PGM2: variants seen among roughly 807,000 people sequenced by gnomAD.
PGM2 encodes phosphopentomutase.
Under a neutral mutation model 74.6 loss-of-function variants are expected in PGM2, and 57 were observed. The ratio of observed to expected loss-of-function variants is 0.76; its 90% confidence interval spans 0.62 to 0.95. The LOEUF (loss-of-function observed/expected upper bound fraction) is 0.95. Among genes scored for constraint, PGM2 ranks in the 40% least tolerant of loss-of-function variants. The probability of loss-of-function intolerance (pLI) is 0.00; values close to 1 mark genes in which losing one functional copy is unlikely to be tolerated. For synonymous variants in PGM2, 273 were observed against 260.7 expected (o/e 1.05, Z -0.46); for missense variants, 706 against 741.9 (o/e 0.95, Z 0.56).
intron 13 of PGM2, among the ~76,000 whole-genome samples, chr4:37,860,093 G>C (rs6813005): frequency 0.17 from 25,943 of 152,034 alleles, 2,721 homozygotes; most frequent in African/African-American, 0.3. Flanking sequence ...CTGCATACAT[G>C]AATCGTAATG....
Position 37,848,641 on chromosome 4 carries a change from AT to A in PGM2, c.1405del (p.Tyr469MetfsTer76). 1.9e-6 allele frequency: 3 copies of A among 1,613,086 alleles called. No homozygotes were observed. Among genetic ancestry groups the A allele is most frequent in the Non-Finnish European group, 2.5e-6 (3 of 1,179,130 alleles). ...GTCTTTGTCTCAGCAACTAAAGGCC[AT>A]TTATGTGGAGTAAGTTGTTATTGAC... ...NLSLSQQLKA[I>X]YVEYGYHITK... On this transcript the variant is annotated frameshift_variant, in exon 11 of 14. Transcript: ENST00000381967. LOFTEE classifies it high-confidence loss of function.
intron 1 of PGM2, among the ~76,000 whole-genome samples, chr4:37,828,154 T>C (rs1326063465): frequency 6.6e-6 from 1 of 152,180 alleles, no homozygotes; most frequent in Non-Finnish European, 1.5e-5. Context: ...CCTGGGAAGA[T>C]AACCTTGTGA....
intron 13 of PGM2, 50 bp from the exon 14 acceptor site, chr4:37,861,460 T>G: frequency 8.1e-7 from 1 of 1,233,094 alleles, no homozygotes; most frequent in Non-Finnish European, 1.2e-6. Context: ...ATTTAAACTG[T>G]GCTTTGGAAT....
intron 13 of PGM2, among the ~76,000 whole-genome samples, chr4:37,856,982 C>G (rs767867231): frequency 6.6e-6 from 1 of 151,564 alleles, no homozygotes; most frequent in Non-Finnish European, 1.5e-5. Context: ...AAAATTGATT[C>G]AGTAATTTTA....
At chr4:37,842,578 G>A (rs1725760418) in intron 6 of PGM2, among the ~76,000 whole-genome samples, 1 of 150,672 alleles carries the variant, frequency 6.6e-6, no homozygotes, top group African/African-American at 2.5e-5. Flanking sequence ...TAATTGGAAA[G>A]GTCACCTTTA....
chr4:37,857,840 G>A (rs761989725), intron 13 of PGM2, among the ~76,000 whole-genome samples: 6 of 152,046 alleles, frequency 3.9e-5, no homozygotes, highest in East Asian at 1.9e-4. Flanking sequence ...TCTTGTTTTC[G>A]TGTGCATTAG....
intron 2 of PGM2, among the ~76,000 whole-genome samples, chr4:37,831,418 A>G (rs1433629417): frequency 6.6e-6 from 1 of 152,174 alleles, no homozygotes; most frequent in Non-Finnish European, 1.5e-5. Flanking sequence ...ATGGTTTAAA[A>G]CAACAACCAC....
At position 37,850,330 on chromosome 4, in the gene PGM2, A is replaced by G; in HGVS notation, c.1559A>G (p.Asp520Gly). 6.3e-7 allele frequency: 1 copy of G among 1,580,566 alleles called. No homozygotes were observed. The highest frequency in any genetic ancestry group is 8.5e-7 in the Non-Finnish European group (1 of 1,170,288). The change falls in exon 12 of 14, where the codon GAC becomes GGC. Residue 520 changes from aspartate to glycine, a missense_variant. Coordinates refer to ENST00000381967, the MANE Select transcript of PGM2 (RefSeq NM_018290.4). ...AAATTTGAAATTTCTGCCATTAGGG[A>G]CCTTACAACTGGCTATGATGATAGC... Reference protein sequence around the residue: ...CGKFEISAIRDLTTGYDDSQP... With the variant: ...CGKFEISAIRGLTTGYDDSQP...
At chr4:37,828,265 G>A (rs1345173623) in intron 1 of PGM2, among the ~76,000 whole-genome samples, 1 of 151,974 alleles carries the variant, frequency 6.6e-6, no homozygotes, top group Non-Finnish European at 1.5e-5. Context: ...TCTCTAAGAA[G>A]AAGAAGAAAA....
chr4:37,844,989 A>C (rs1206523074), intron 7 of PGM2, among the ~76,000 whole-genome samples: 4 of 152,070 alleles, frequency 2.6e-5, no homozygotes, highest in Non-Finnish European at 4.4e-5. Context: ...AAAAAAAAAA[A>C]AAAAAACAAG....
In PGM2 at chr4:37,861,539, A is replaced by G. The variant is rs749728048; in HGVS notation, c.1766A>G (p.Asn589Ser). The change falls in exon 14 of 14, where the codon AAT (asparagine) becomes AGT (serine). Residue 589 changes from asparagine (N) to serine (S), a missense_variant. Coordinates refer to ENST00000381967, the MANE Select transcript of PGM2 (RefSeq NM_018290.4). ...CCTGAGCAGCTGAAGAAGGAACTGA[A>G]TGAACTGGTCAGTGCTATTGAAGAA... ...SDPEQLKKELNELVSAIEEHF... is the reference protein window; with the variant it reads ...SDPEQLKKELSELVSAIEEHF... 2 of 1,612,824 alleles carry G rather than the reference A, an allele frequency of 1.2e-6. No homozygotes were observed. Among genetic ancestry groups the G allele is most frequent in the African/African-American group, 2.7e-5 (2 of 74,908 alleles).
Position 37,838,547 on chromosome 4 carries a change from A to G in PGM2, c.441+934A>G, listed in dbSNP as rs140450770. Among the ~76,000 whole-genome samples, 245 of 152,346 alleles carry G rather than the reference A, an allele frequency of 1.6e-3. 2 individuals carry two copies. Among genetic ancestry groups the G allele is most frequent in the Admixed American group, 3.1e-3 (48 of 15,304 alleles). On this transcript the variant is annotated intron_variant, in intron 4 of 13. Transcript: ENST00000381967. ...TTGGATGCAGTTAGTCACATCTAGT[A>G]GAAATGAGACTGTATTGCTACAGAA...
chr4:37,858,469 T>C (rs1440723318), intron 13 of PGM2, among the ~76,000 whole-genome samples: 1 of 151,582 alleles, frequency 6.6e-6, no homozygotes, highest in Non-Finnish European at 1.5e-5. Context: ...CCTGAGTAGC[T>C]GAGATTACAG....
intron 6 of PGM2, among the ~76,000 whole-genome samples, chr4:37,841,656 C>T (rs1725732967): frequency 6.6e-6 from 1 of 152,180 alleles, no homozygotes; most frequent in Admixed American, 6.5e-5. Context: ...CTCCTAATTC[C>T]TACGTGTTGG....
chr4:37,848,886 A>C (rs1227463213), intron 11 of PGM2, among the ~76,000 whole-genome samples: 1 of 152,096 alleles, frequency 6.6e-6, no homozygotes, highest in African/African-American at 2.4e-5. Context: ...CCTGTCCAAC[A>C]TGGTGAAACC....
chr4:37,849,890 G>A (rs745947779), intron 11 of PGM2, among the ~76,000 whole-genome samples: 11 of 152,074 alleles, frequency 7.2e-5, no homozygotes, highest in Non-Finnish European at 1.3e-4. Flanking sequence ...GGGTTCAAGC[G>A]ATTCTCCTGC....
chr4:37,849,633 G>A (rs1423914611), intron 11 of PGM2, among the ~76,000 whole-genome samples: 3 of 151,638 alleles, frequency 2.0e-5, no homozygotes, highest in Admixed American at 6.6e-5. Flanking sequence ...GGTCTCAAAC[G>A]CCTAACCTCA....
chr4:37,850,182 A>G lies in PGM2; in HGVS notation c.1413-2A>G. On this transcript the variant is annotated splice_acceptor_variant, in intron 11 of 13. Transcript: ENST00000381967. LOFTEE classifies it high-confidence loss of function. Reference sequence around the variant, plus strand: ...GTGCATGAATTTGTATTTGTTTGATAGGTATGGCTACCATATTACTAAAGC... The same window carrying G: ...GTGCATGAATTTGTATTTGTTTGATGGGTATGGCTACCATATTACTAAAGC... 1 of 1,506,458 alleles carries G rather than the reference A, an allele frequency of 6.6e-7. No individual in the cohort carries two copies. The highest frequency in any genetic ancestry group is 9.0e-7 in the Non-Finnish European group (1 of 1,111,634). 93.3% of individuals were successfully genotyped at this position (1,506,458 alleles called of 1,614,324 possible). A position where few individuals can be genotyped will look rare whatever the true frequency, so the allele number is the denominator to read the frequency against.
At chr4:37,860,552 G>A (rs895939378) in intron 13 of PGM2, among the ~76,000 whole-genome samples, 3 of 152,216 alleles carry the variant, frequency 2.0e-5, no homozygotes, top group Admixed American at 1.3e-4. Flanking sequence ...CAATGAAATG[G>A]ATTGCTTTAG....
Sources: gnomAD v4.1 joint callset for allele counts (sites outside exome capture counted in the v4.1 genomes callset) on GRCh38, gnomAD v4.1.1 for gene constraint, MANE v1.5 for transcripts, NCBI Gene and HGNC (gene_info 2026-07-23, HGNC 2026-07-21) for gene names.